Variants in SUCO observed in about 807,000 individuals in gnomAD.
SUCO encodes SUN domain containing ossification factor.
Under a neutral mutation model 148.1 loss-of-function variants are expected in SUCO, and 57 were observed. That is an observed-to-expected ratio of 0.38 (90% confidence interval 0.31 to 0.48). SUCO has a LOEUF of 0.48. SUCO is among the 20% of genes least tolerant of loss of function. The pLI is 0.96. For synonymous variants in SUCO, 470 were observed against 502.7 expected (o/e 0.93, Z 0.87); for missense variants, 1,331 against 1,468.2 (o/e 0.91, Z 1.53).
rs754869865 is a variant in SUCO at position 172,589,034 on chromosome 1, C to T, written c.1933C>T (p.Arg645Trp). The T allele has an allele frequency of 4.6e-5, 74 of 1,613,436 alleles. No individual in the cohort carries two copies. In the East Asian group the frequency reaches 7.8e-4, roughly 17 times the overall value. The change falls in exon 18 of 24, where the codon CGG (arginine) becomes TGG (tryptophan). Residue 645 changes from arginine to tryptophan, a missense_variant. Arg to Trp is a moderately radical substitution (Grantham distance 101). Transcript: ENST00000263688. ...GTGTTCAGTTAGAGTTGCTCTTTAT[C>T]GGCAGCGCAGCCGAACTGCTTTGAG... Reference protein sequence around the residue: ...KWCSVRVALYRQRSRTALSKG... With the variant: ...KWCSVRVALYWQRSRTALSKG...
intron 4 of SUCO, 140 bp from the exon 5 acceptor site, chr1:172,557,140 G>A (rs907802900): frequency 1.5e-5 from 21 of 1,401,204 alleles, no homozygotes; most frequent in Non-Finnish European, 1.8e-5. Flanking sequence ...AACAGATCAA[G>A]TCAGCAATTG....
At chr1:172,542,430 G>A (rs1652540156) in intron 1 of SUCO, among the ~76,000 whole-genome samples, 1 of 152,064 alleles carries the variant, frequency 6.6e-6, no homozygotes, top group Admixed American at 6.5e-5. Flanking sequence ...TAAAGCAGAG[G>A]TCCCCAGCCC....
chr1:172,597,277 G>A (rs1283564518), intron 19 of SUCO, among the ~76,000 whole-genome samples: 1 of 152,230 alleles, frequency 6.6e-6, no homozygotes, highest in African/African-American at 2.4e-5. Context: ...CACACTCCAT[G>A]GGCTGCACCC....
intron 1 of SUCO, among the ~76,000 whole-genome samples, chr1:172,547,993 C>A (rs1652988769): frequency 6.6e-6 from 1 of 151,686 alleles, no homozygotes; most frequent in South Asian, 2.1e-4. Flanking sequence ...TGGATTGATA[C>A]AGCTAAAGCA....
Position 172,582,927 on chromosome 1 carries a change from A to T in SUCO, c.1499-2091A>T, listed in dbSNP as rs115038908. On this transcript the variant is annotated intron_variant, in intron 15 of 23. Transcript: ENST00000263688. ...ATTTAGGTTCAGAAATAATACTGTA[A>T]AGCTACTTTCTTTACACAGATTAAC... is the stretch of plus-strand genomic sequence containing the variant. Among the ~76,000 whole-genome samples, 337 of 152,256 alleles carry T rather than the reference A, an allele frequency of 2.2e-3. 3 individuals carry two copies. The highest frequency in any genetic ancestry group is 7.9e-3 in the African/African-American group (329 of 41,580).
chr1:172,583,080 T>A (rs1655988599), intron 15 of SUCO, among the ~76,000 whole-genome samples: 1 of 152,154 alleles, frequency 6.6e-6, no homozygotes, highest in Non-Finnish European at 1.5e-5. Context: ...GCAGTCAGTT[T>A]TGACTATAGG....
rs927183710 is a variant in SUCO at position 172,600,087 on chromosome 1, C to T, written c.2937C>T (p.Ile979=). The change falls in exon 20 of 24, where the codon ATC becomes ATT. Residue 979 remains isoleucine, a synonymous_variant. Transcript: ENST00000263688. ...EEQDQRQTEA[I]QLLQAQLTNM... Reference sequence around the variant, plus strand: ...AGGATCAGCGGCAAACTGAAGCCATCCAGTTGCTACAGGCACAGCTGACCA... The same window carrying T: ...AGGATCAGCGGCAAACTGAAGCCATTCAGTTGCTACAGGCACAGCTGACCA... 1 of 1,606,074 alleles carries T rather than the reference C, an allele frequency of 6.2e-7. No individual in the cohort carries two copies. Among genetic ancestry groups the T allele is most frequent in the Admixed American group, 1.7e-5 (1 of 57,306 alleles).
At position 172,589,002 on chromosome 1, in the gene SUCO, A is replaced by G. The variant is rs978629709; in HGVS notation, c.1901A>G (p.Tyr634Cys). 6.2e-7 allele frequency: 1 copy of G among 1,612,950 alleles called. No individual in the cohort carries two copies. The change falls in exon 18 of 24, where the codon TAT becomes TGT. Residue 634 changes from tyrosine to cysteine, a missense_variant. By Grantham distance (194) the Tyr-to-Cys change is radical (BLOSUM62 -2). Around this residue, in one of 3 missense-constraint regions of SUCO, gnomAD observed 992 missense variants for 1,093.5 expected, o/e 0.91. Coordinates refer to ENST00000263688, the MANE Select transcript of SUCO (RefSeq NM_014283.5). ...CCISSFSEYI[Y>C]KWCSVRVALY... is the part of the protein sequence containing the mutation. The stretch of plus-strand genomic sequence containing the variant: ...ATTTCTAGTTTTTCAGAATACATAT[A>G]TAAATGGTGTTCAGTTAGAGTTGCT...
At chr1:172,608,366 A>G in intron 22 of SUCO, 1 of 216,652 alleles carries the variant, frequency 4.6e-6, no homozygotes, top group Non-Finnish European at 9.0e-6. Context: ...CTTTTAGGGA[A>G]GTATTCAAAT....
chr1:172,541,454 A>G (rs1332697623), intron 1 of SUCO, among the ~76,000 whole-genome samples: 12 of 152,232 alleles, frequency 7.9e-5, no homozygotes, highest in Admixed American at 7.2e-4. Flanking sequence ...CTGGATCCCA[A>G]GGGATGACCG....
chr1:172,539,778 T>C (rs1270972438), intron 1 of SUCO, among the ~76,000 whole-genome samples: 3 of 152,322 alleles, frequency 2.0e-5, no homozygotes, highest in East Asian at 3.9e-4. Context: ...AGAAATAAGA[T>C]GGCCTAGGTT....
chr1:172,557,513 T>A lies in SUCO; in HGVS notation c.581+96T>A, dbSNP rs573702217. 4.8e-5 allele frequency: 74 copies of A among 1,530,972 alleles called. No homozygotes were observed. In the African/African-American group the frequency reaches 1.0e-3, roughly 21 times the overall value. 94.8% of individuals were successfully genotyped at this position (1,530,972 alleles called of 1,614,324 possible). ...TGGTGTATGTTAAATTCCACTTTGA[T>A]TGAGAGAAAGCTGATCTCTTTGTGT... On this transcript the variant is annotated intron_variant, in intron 5 of 23. Coordinates refer to ENST00000263688, the MANE Select transcript of SUCO (RefSeq NM_014283.5).
At position 172,585,003 on chromosome 1, in the gene SUCO, T is replaced by A; in HGVS notation, c.1499-15T>A. 6.4e-7 allele frequency: 1 copy of A among 1,563,632 alleles called. No individual in the cohort carries two copies. The highest frequency in any genetic ancestry group is 8.7e-7 in the Non-Finnish European group (1 of 1,145,432). ...TTAGGTATTTGGTACTTTTTCTGAT[T>A]GAATTTTGTTTTAGATGCCATTCTA... On this transcript the variant is annotated splice_polypyrimidine_tract_variant and intron_variant, in intron 15 of 23. Coordinates refer to ENST00000263688, the MANE Select transcript of SUCO (RefSeq NM_014283.5).
chr1:172,608,959 A>T (rs1353456938), intron 23 of SUCO, among the ~76,000 whole-genome samples, 157 bp downstream of exon 23: 1 of 152,108 alleles, frequency 6.6e-6, no homozygotes, highest in African/African-American at 2.4e-5. Context: ...AACAGGGGTC[A>T]GCAAGCTGTG....
chr1:172,606,927 G>T (rs1276018958), intron 22 of SUCO, among the ~76,000 whole-genome samples: 2 of 151,722 alleles, frequency 1.3e-5, no homozygotes, highest in Non-Finnish European at 3.0e-5. Flanking sequence ...CTTCTGATGT[G>T]TTTCCAGGCC....
At chr1:172,552,708 TC>T (rs1653392483) in intron 2 of SUCO, 3 of 856,868 alleles carry the variant, frequency 3.5e-6, no homozygotes, top group African/African-American at 3.6e-5. Context: ...TTTGATTTAA[TC>T]CCCCTTTTGA....
At chr1:172,602,325 T>A (rs1657582026) in intron 21 of SUCO, 107 bp downstream of exon 21, 3 of 1,392,218 alleles carry the variant, frequency 2.2e-6, no homozygotes, top group Non-Finnish European at 2.8e-6. Flanking sequence ...TCTTTCCCTA[T>A]ATGATTATCT....
chr1:172,557,529 C>A, intron 5 of SUCO, 112 bp downstream of exon 5: 10 of 1,495,488 alleles, frequency 6.7e-6, no homozygotes, highest in Middle Eastern at 1.8e-4. Flanking sequence ...GAAAGCTGAT[C>A]TCTTTGTGTT....
intron 4 of SUCO, chr1:172,556,608 G>A (rs993938239): frequency 1.0e-6 from 1 of 984,386 alleles, no homozygotes; most frequent in Non-Finnish European, 1.2e-6. Context: ...TAAATAAAGT[G>A]CAAGAAGAAT....
Sources: gnomAD v4.1 joint callset for allele counts (sites outside exome capture counted in the v4.1 genomes callset) on GRCh38, gnomAD v4.1.1 for gene constraint, gnomAD v4.1.1 regional missense constraint, MANE v1.5 for transcripts, NCBI Gene and HGNC (gene_info 2026-07-23, HGNC 2026-07-21) for gene names.